Variants in RBM33 observed in about 807,000 individuals in gnomAD.
RBM33 encodes RNA-binding protein 33.
In RBM33, 28 loss-of-function variants were observed where a neutral mutation model predicts 132.6. The ratio of observed to expected loss-of-function variants is 0.21; its 90% CI spans 0.16 to 0.29. The LOEUF (loss-of-function observed/expected upper bound fraction) is 0.29, where lower values mean the gene tolerates loss of function less well. RBM33 is among the 10% of genes least tolerant of loss of function. The pLI is 1.00. For missense variants in RBM33, 1,291 were observed against 1,518.5 expected (o/e 0.85, Z 2.49); for synonymous variants, 634 against 593.0 (o/e 1.07, Z -1.01).
intron 5 of RBM33, chr7:155,684,796 C>A: frequency 1.1e-6 from 1 of 918,844 alleles, no homozygotes; most frequent in Non-Finnish European, 1.6e-6. Context: ...GGGCCTGGTG[C>A]TTTGTGCTCA....
Position 155,776,364 on chromosome 7 carries a change from A to C in RBM33, c.*1323A>C, listed in dbSNP as rs1802607988. On this transcript the variant is annotated 3_prime_UTR_variant, in exon 18 of 18. Coordinates refer to ENST00000401878, the MANE Select transcript of RBM33 (RefSeq NM_053043.3). This position sits in a 1 kb window ranked among gnomAD's most constrained non-coding sequence, Gnocchi z 4.0. ...TACTAATAGAATTAAGGGAAATAGA[A>C]GCCCGTTCTTTCTTACTGCCCCTGG... 1.3e-5 allele frequency: 2 copies of C among 152,418 alleles called. No homozygotes were observed. Among genetic ancestry groups the C allele is most frequent in the South Asian group, 2.1e-4 (1 of 4,830 alleles). The allele number at this position is 152,418 out of a possible 1,614,324, so 9.4% of individuals were successfully genotyped here.
chr7:155,741,336 G>T (rs1421850739), intron 12 of RBM33, among the ~76,000 whole-genome samples: 2 of 151,924 alleles, frequency 1.3e-5, no homozygotes, highest in African/African-American at 4.8e-5. Context: ...AAAACGTTCT[G>T]GCACCTTTCT....
intron 14 of RBM33, 129 bp from the exon 15 acceptor site, chr7:155,763,683 C>G: frequency 1.2e-6 from 1 of 806,854 alleles, no homozygotes; most frequent in Non-Finnish European, 2.1e-6. Flanking sequence ...TGACAAGTTT[C>G]GAGTCACACT....
intron 14 of RBM33, among the ~76,000 whole-genome samples, chr7:155,762,708 A>G (rs1340971512): frequency 1.3e-5 from 2 of 152,086 alleles, no homozygotes; most frequent in Non-Finnish European, 2.9e-5. Context: ...AGCGGGACAC[A>G]AGGATATGTG....
intron 1 of RBM33, among the ~76,000 whole-genome samples, chr7:155,654,831 G>T (rs1023639652): frequency 6.6e-6 from 1 of 151,940 alleles, no homozygotes; most frequent in East Asian, 1.9e-4. Context: ...TTTATATATT[G>T]TCCTCTTTTA....
intron 6 of RBM33, among the ~76,000 whole-genome samples, chr7:155,705,101 A>C (rs550615826): frequency 6.6e-6 from 1 of 152,342 alleles, no homozygotes; most frequent in South Asian, 2.1e-4. Flanking sequence ...GTGCAGTGTA[A>C]ACTTTGTTAC....
chr7:155,764,289 G>A lies in RBM33; in HGVS notation c.3186+271G>A, dbSNP rs560235467. Among the ~76,000 whole-genome samples, 3 of 152,264 alleles carry A rather than the reference G, an allele frequency of 2.0e-5. No homozygotes were observed. The South Asian group carries it at 6.2e-4, about 32-fold the overall frequency. ...CCTGCCGCTCTGAACTGTCGACCCA[G>A]CAGCATCTGCTGTGCTCTCGGGACA... On this transcript the variant is annotated intron_variant, in intron 15 of 17. Coordinates refer to ENST00000401878, the MANE Select transcript of RBM33 (RefSeq NM_053043.3).
intron 14 of RBM33, among the ~76,000 whole-genome samples, chr7:155,749,149 A>G (rs1801616887): frequency 6.6e-6 from 1 of 152,124 alleles, no homozygotes; most frequent in South Asian, 2.1e-4. Context: ...CCAATCTGCA[A>G]GTGGGGTTAG....
chr7:155,664,745 T>C (rs1428475485), intron 1 of RBM33, among the ~76,000 whole-genome samples: 1 of 152,190 alleles, frequency 6.6e-6, no homozygotes, highest in Non-Finnish European at 1.5e-5. Flanking sequence ...CTGCATTATC[T>C]CTATTTTGCT....
chr7:155,766,381 AAGTT>A (rs1397075515), intron 15 of RBM33, 82 bp from the exon 16 acceptor site: 6 of 1,405,442 alleles, frequency 4.3e-6, no homozygotes, highest in Non-Finnish European at 5.8e-6. Flanking sequence ...AATGGATTCT[AAGTT>A]ATTTGTTCAC....
intron 9 of RBM33, among the ~76,000 whole-genome samples, chr7:155,726,186 G>A (rs1800790112): frequency 6.6e-6 from 1 of 152,174 alleles, no homozygotes; most frequent in Non-Finnish European, 1.5e-5. Flanking sequence ...GTAATGTATT[G>A]AAAGATTCAT....
intron 5 of RBM33, among the ~76,000 whole-genome samples, chr7:155,698,406 T>C (rs6459891): frequency 0.78 from 119,178 of 151,936 alleles, 47,337 homozygotes; most frequent in African/African-American, 0.9. Context: ...AACGTTTTGG[T>C]AGACAGGTTA....
In RBM33 at chr7:155,763,850, G is replaced by GCCCCAGCGGCTT; in HGVS notation, c.3026_3037dup (p.Arg1009_Gln1012dup). On this transcript the variant is annotated inframe_insertion, in exon 15 of 18. Transcript: ENST00000401878. ...ATGGCTTTTTTCACCCAGAAGGCCA[G>GCCCCAGCGGCTT]CCCCAGCGGCTTCCCCAGCCTCCGG... is the stretch of plus-strand genomic sequence containing the variant. 4 of 1,612,198 alleles carry GCCCCAGCGGCTT rather than the reference G, an allele frequency of 2.5e-6. No individual in the cohort carries two copies. The highest frequency in any genetic ancestry group is 3.4e-6 in the Non-Finnish European group (4 of 1,179,176).
Position 155,739,808 on chromosome 7 carries a change from C to T in RBM33, c.1831C>T (p.Pro611Ser), listed in dbSNP as rs780568731. The change falls in exon 12 of 18, where the codon CCC becomes TCC. Residue 611 changes from proline (P) to serine (S), a missense_variant. Pro to Ser is a moderately conservative substitution (Grantham distance 74). This residue lies in a region of RBM33 where 841 missense variants were observed against 912.0 expected (regional missense o/e 0.92). Transcript: ENST00000401878. ...GCCACAGCACCAGCCTCCGCACCAG[C>T]CCCCGCACCAGCCCCCGCCCCAGCA... ...PPPQHQPPHQ[P>S]PHQPPPQHQP... 4 of 1,414,356 alleles carry T rather than the reference C, an allele frequency of 2.8e-6. No individual in the cohort carries two copies. The East Asian group carries it at 1.0e-4, about 35-fold the overall frequency. 87.6% of individuals were successfully genotyped at this position (1,414,356 alleles called of 1,614,324 possible).
intron 5 of RBM33, among the ~76,000 whole-genome samples, chr7:155,696,424 T>G (rs1799796167): frequency 6.6e-6 from 1 of 152,220 alleles, no homozygotes; most frequent in South Asian, 2.1e-4. Flanking sequence ...TTCTTTCTTT[T>G]GTATCATTGA....
chr7:155,645,005 G>A, intron 1 of RBM33, 86 bp downstream of exon 1: 2 of 1,034,148 alleles, frequency 1.9e-6, no homozygotes, highest in Non-Finnish European at 2.7e-6. Flanking sequence ...GCTTAGGAGA[G>A]GACGAGGCTC....
At chr7:155,773,822 C>G (rs1257005177) in intron 16 of RBM33, among the ~76,000 whole-genome samples, 2 of 152,162 alleles carry the variant, frequency 1.3e-5, no homozygotes, top group Admixed American at 6.5e-5. Flanking sequence ...CCTCAGGCAG[C>G]AGATTTGAGG....
chr7:155,675,582 C>T (rs11769753), intron 3 of RBM33, among the ~76,000 whole-genome samples: 5,522 of 152,152 alleles, frequency 0.036, 136 homozygotes, highest in Non-Finnish European at 0.055. Flanking sequence ...CTCAGGTGTC[C>T]GTCGTCCAGC....
chr7:155,685,060 T>C, intron 5 of RBM33: 1 of 1,548,144 alleles, frequency 6.5e-7, no homozygotes. Flanking sequence ...GAGGTATTTG[T>C]TCATCTTTTA....
Sources: allele counts gnomAD v4.1 joint callset (sites outside exome capture counted in the v4.1 genomes callset), GRCh38; gene constraint gnomAD v4.1.1; regional missense constraint gnomAD v4.1.1; non-coding constraint Gnocchi (gnomAD v3.1); transcripts MANE v1.5; gene names NCBI Gene and HGNC (gene_info 2026-07-23, HGNC 2026-07-21).